The following ITLN1 variants were observed in gnomAD, a reference collection of about 807,000 sequenced individuals.
ITLN1 encodes intelectin-1.
Under a neutral mutation model 36.2 loss-of-function variants are expected in ITLN1, and 29 were observed. The observed-to-expected ratio is 0.80, with a 90% confidence interval of 0.60 to 1.09. ITLN1 has a LOEUF of 1.09. Ranked by LOEUF, ITLN1 falls within the 50% of genes least tolerant of loss-of-function variation. The pLI is 0.00. For missense variants in ITLN1, 358 were observed against 405.2 expected, an observed-to-expected ratio of 0.88 and a Z score of 1.00; for synonymous variants, 143 against 146.5, an observed-to-expected ratio of 0.98 and a Z score of 0.17.
In ITLN1 at chr1:160,883,540, A is replaced by G. The variant is rs373374322; in HGVS notation, c.59-14T>C. ...TATTAGCCTCATCTAGGGAATACAC[A>G]GGGTTTATTCTCATTCCCGGTTTGA... On this transcript the variant is annotated splice_polypyrimidine_tract_variant and intron_variant, in intron 2 of 7. Transcript: ENST00000326245. 3.9e-6 allele frequency: 6 copies of G among 1,549,276 alleles called. No homozygotes were observed. The African/African-American group carries it at 4.1e-5, about 11-fold the overall frequency.
chr1:160,876,962 C>T (rs760071264), intron 7 of ITLN1, 146 bp from the exon 8 acceptor site: 4 of 854,104 alleles, frequency 4.7e-6, no homozygotes, highest in Non-Finnish European at 7.1e-6. Flanking sequence ...AAAAACCTCT[C>T]TTCCTTGGCT....
Position 160,876,687 on chromosome 1 carries a change from C to G in ITLN1, c.919G>C (p.Ala307Pro). Residue 307 changes from alanine (A) to proline (P), a missense_variant, in exon 8 of 8, where the codon GCT becomes CCT. Coordinates refer to ENST00000326245, the MANE Select transcript of ITLN1 (RefSeq NM_017625.3). ...TCTCAACGATAGAATAGAAGCACAG[C>G]TGCCTCAGTTATCTCACGGCTGCTG... The part of the protein sequence containing the change: ...YSSSREITEA[A>P]VLLFYR 1.2e-6 allele frequency: 2 copies of G among 1,614,204 alleles called. No homozygotes were observed. Among genetic ancestry groups the G allele is most frequent in the Non-Finnish European group, 1.7e-6 (2 of 1,180,030 alleles).
chr1:160,882,266 T>G, intron 3 of ITLN1, 62 bp from the exon 4 acceptor site: 2 of 1,517,916 alleles, frequency 1.3e-6, no homozygotes, highest in Non-Finnish European at 1.8e-6. Flanking sequence ...TTCAGCCCCA[T>G]GACAAGAAAG....
intron 2 of ITLN1, among the ~76,000 whole-genome samples, chr1:160,884,509 G>A (rs1053769029): frequency 2.0e-5 from 3 of 152,192 alleles, no homozygotes; most frequent in African/African-American, 7.2e-5. Flanking sequence ...CAGGCACAAA[G>A]CAGACCATGT....
At chr1:160,881,034 C>G in intron 5 of ITLN1, 120 bp downstream of exon 5, 1 of 1,199,632 alleles carries the variant, frequency 8.3e-7, no homozygotes, top group Non-Finnish European at 1.2e-6. Flanking sequence ...AAGCCATCAG[C>G]AAATCTGGGT....
At chr1:160,877,699 G>A (rs558891101) in intron 7 of ITLN1, among the ~76,000 whole-genome samples, 96 of 152,328 alleles carry the variant, frequency 6.3e-4, no homozygotes, top group Admixed American at 5.6e-3. Flanking sequence ...GACATGGTTT[G>A]GACCTGGGTC....
intron 5 of ITLN1, among the ~76,000 whole-genome samples, chr1:160,880,917 A>G (rs1181201841): frequency 6.6e-6 from 1 of 152,080 alleles, no homozygotes; most frequent in Admixed American, 6.6e-5. Context: ...CCACTTCATT[A>G]TCTCTCTCTC....
Position 160,882,740 on chromosome 1 carries a change from A to G in ITLN1, c.158-536T>C, listed in dbSNP as rs555064830. On this transcript the variant is annotated intron_variant, in intron 3 of 7. Transcript: ENST00000326245. ...AGCCAGACACCAAAGGACAAATACC[A>G]TATGACTCCAATTACATGAGGTAAC... 6.6e-5 allele frequency among the ~76,000 whole-genome samples: 10 copies of G among 152,334 alleles called. No homozygotes were observed. In the East Asian group the frequency reaches 1.9e-3, roughly 29 times the overall value.
At chr1:160,877,955 G>C (rs1670617371) in intron 7 of ITLN1, among the ~76,000 whole-genome samples, 2 of 152,130 alleles carry the variant, frequency 1.3e-5, no homozygotes, top group African/African-American at 4.8e-5. Flanking sequence ...GATCACTTGA[G>C]GTCAGGAGTT....
intron 2 of ITLN1, among the ~76,000 whole-genome samples, chr1:160,884,206 C>T (rs1473416133): frequency 6.6e-6 from 1 of 151,328 alleles, no homozygotes; most frequent in Non-Finnish European, 1.5e-5. Context: ...CTTAATATGG[C>T]TGAAACATGG....
intron 7 of ITLN1, among the ~76,000 whole-genome samples, chr1:160,878,385 C>CTTTTT (rs36015074): frequency 1.4e-5 from 2 of 140,506 alleles, no homozygotes; most frequent in African/African-American, 2.6e-5. Context: ...CTTTTTCTTT[C>CTTTTT]TTTTTTTTTT....
At chr1:160,880,281 G>A (rs981495096) in intron 6 of ITLN1, among the ~76,000 whole-genome samples, 1 of 148,768 alleles carries the variant, frequency 6.7e-6, no homozygotes, top group Non-Finnish European at 1.5e-5. Context: ...CTCCAGCCTG[G>A]GCAACAACAG....
Position 160,883,516 on chromosome 1 carries a change from A to G in ITLN1, c.69T>C (p.Asn23=). 6.2e-7 allele frequency: 1 copy of G among 1,609,132 alleles called. No individual in the cohort carries two copies. Among genetic ancestry groups the G allele is most frequent in the East Asian group, 2.2e-5 (1 of 44,820 alleles). ...AACAGGTCCATTCCTTGAAGTAAGT[A>G]TTAGCCTCATCTAGGGAATACACAG... ...TTRGWSTDEA[N]TYFKEWTCSS... The change falls in exon 3 of 8, where the codon AAT becomes AAC. Residue 23 remains asparagine (N), a synonymous_variant. Coordinates refer to ENST00000326245, the MANE Select transcript of ITLN1 (RefSeq NM_017625.3).
intron 7 of ITLN1, 72 bp downstream of exon 7, chr1:160,879,239 C>CA: frequency 9.9e-7 from 1 of 1,007,180 alleles, no homozygotes; most frequent in Non-Finnish European, 1.5e-6. Flanking sequence ...ACTCAACACA[C>CA]TCACACATAC....
Position 160,879,424 on chromosome 1 carries a change from A to C in ITLN1, c.686-10T>G. 6.2e-7 allele frequency: 1 copy of C among 1,609,444 alleles called. No homozygotes were observed. Among genetic ancestry groups the C allele is most frequent in the Admixed American group, 1.7e-5 (1 of 60,024 alleles). On this transcript the variant is annotated splice_polypyrimidine_tract_variant and intron_variant, in intron 6 of 7. Transcript: ENST00000326245. ...CCCGCAGTGAATTCCCCTGAAAACA[A>C]GAGGCAGAAAACAGCATTCAAGGAA...
intron 4 of ITLN1, 40 bp downstream of exon 4, chr1:160,881,917 C>T: frequency 1.2e-6 from 2 of 1,613,738 alleles, no homozygotes; most frequent in Non-Finnish European, 1.7e-6. Context: ...CCACACTCCA[C>T]TCCTCACCCT....
intron 1 of ITLN1, 65 bp downstream of exon 1, chr1:160,884,996 C>A: frequency 1.5e-6 from 1 of 669,584 alleles, no homozygotes; most frequent in Non-Finnish European, 2.7e-6. Flanking sequence ...TTTGTTTAAA[C>A]TTCACACATC....
chr1:160,877,263 C>T (rs1222554453), intron 7 of ITLN1, among the ~76,000 whole-genome samples: 1 of 151,854 alleles, frequency 6.6e-6, no homozygotes, highest in Non-Finnish European at 1.5e-5. Context: ...AACTCTCTTC[C>T]TTTAGCTTTA....
At chr1:160,881,535 G>A in intron 4 of ITLN1, 1 of 554,176 alleles carries the variant, frequency 1.8e-6, no homozygotes, top group South Asian at 3.0e-5. Flanking sequence ...TTGGCTGGGT[G>A]TGGTGGCTCA....
Sources: gnomAD v4.1 joint callset for allele counts (sites outside exome capture counted in the v4.1 genomes callset) on GRCh38, gnomAD v4.1.1 for gene constraint, MANE v1.5 for transcripts, NCBI Gene and HGNC (gene_info 2026-07-23, HGNC 2026-07-21) for gene names.